UPRT: variants seen among roughly 807,000 people sequenced by gnomAD.
UPRT encodes the protein uracil phosphoribosyltransferase homolog.
In UPRT, 5 loss-of-function variants were observed where a neutral mutation model predicts 22.6. The observed-to-expected ratio is 0.22, with a 90% confidence interval of 0.12 to 0.47. The LOEUF (loss-of-function observed/expected upper bound fraction) is 0.47, where lower values mean the gene tolerates loss of function less well. Ranked by LOEUF, UPRT falls within the 20% of genes least tolerant of loss-of-function variation. UPRT has a pLI of 0.99. For missense variants in UPRT, 181 were observed against 239.9 expected, an observed-to-expected ratio of 0.75 and a Z score of 1.62; for synonymous variants, 77 against 87.7, an observed-to-expected ratio of 0.88 and a Z score of 0.68.
At chrX:75,164,613 G>A (rs1466177777) in intron 3 of UPRT, among the ~76,000 whole-genome samples, 1 of 111,876 alleles carries the variant, frequency 8.9e-6, no homozygotes, top group Non-Finnish European at 1.9e-5. Context: ...GCCTAGTGCT[G>A]GGGAATTGGA....
chrX:75,271,298 A>T (rs1298276840), upstream of UPRT, among the ~76,000 whole-genome samples: 1 of 112,454 alleles, frequency 8.9e-6, no homozygotes, highest in Non-Finnish European at 1.9e-5. Context: ...GTATTAAAAT[A>T]TACCCACAGA....
chrX:75,223,250 C>T (rs1219564498), intron 4 of UPRT, among the ~76,000 whole-genome samples: 2 of 109,270 alleles, frequency 1.8e-5, no homozygotes, highest in African/African-American at 6.7e-5. Context: ...CCTCTCCTTT[C>T]CTCAAGCAGA....
chrX:75,272,330 GTATATATATATATACACATA>G (rs2082612468), upstream of UPRT, among the ~76,000 whole-genome samples: 1 of 45,457 alleles, frequency 2.2e-5, no homozygotes, highest in Non-Finnish European at 4.5e-5. Flanking sequence ...ACATATATAT[GTATATATATATATACACATA>G]TATATATGTG....
intron 4 of UPRT, among the ~76,000 whole-genome samples, chrX:75,248,863 G>C (rs775785519): frequency 1.8e-5 from 2 of 111,983 alleles, no homozygotes; most frequent in East Asian, 5.6e-4. Flanking sequence ...CTGATCTCTC[G>C]GCAGAAATTC....
chrX:75,190,168 G>T (rs1186918334), intron 4 of UPRT, among the ~76,000 whole-genome samples: 2 of 111,754 alleles, frequency 1.8e-5, no homozygotes, highest in African/African-American at 3.3e-5. Context: ...TGTAGGGTGG[G>T]CCTGGTGGTG....
chrX:75,190,368 C>T (rs1048352384), intron 4 of UPRT, among the ~76,000 whole-genome samples: 15 of 112,003 alleles, frequency 1.3e-4, no homozygotes, highest in African/African-American at 2.9e-4. Flanking sequence ...GACGGGCTTT[C>T]GTTTGTGGGT....
chrX:75,175,081 G>T (rs773871150), intron 4 of UPRT, among the ~76,000 whole-genome samples: 1 of 110,325 alleles, frequency 9.1e-6, no homozygotes, highest in East Asian at 2.9e-4. Context: ...TTATGCTGCT[G>T]CTCTCCCCTC....
chrX:75,218,085 T>C (rs889933514), intron 4 of UPRT, among the ~76,000 whole-genome samples: 13 of 111,289 alleles, frequency 1.2e-4, no homozygotes, highest in African/African-American at 4.2e-4. Context: ...GAAACTACCA[T>C]CAGAGTGAAC....
At chrX:75,245,446 T>C (rs2082501815) in intron 4 of UPRT, among the ~76,000 whole-genome samples, 1 of 108,162 alleles carries the variant, frequency 9.2e-6, no homozygotes, top group Non-Finnish European at 2.0e-5. Flanking sequence ...ACTGGGTATA[T>C]ACCCAAAGAA....
intron 1 of UPRT, among the ~76,000 whole-genome samples, chrX:75,157,383 A>G (rs2082185023): frequency 8.9e-6 from 1 of 112,041 alleles, no homozygotes. Context: ...CTAGTTATTT[A>G]AAGAAAAATA....
intron 4 of UPRT, among the ~76,000 whole-genome samples, chrX:75,216,727 A>C (rs2082394025): frequency 8.9e-6 from 1 of 112,308 alleles, no homozygotes; most frequent in African/African-American, 3.2e-5. Flanking sequence ...AGCTTAAGCA[A>C]ACTTTACCCT....
chrX:75,168,913 T>C (rs952584757), intron 4 of UPRT, among the ~76,000 whole-genome samples: 1 of 111,790 alleles, frequency 8.9e-6, no homozygotes, highest in Non-Finnish European at 1.9e-5. Context: ...TTTGTAGCTT[T>C]TTATTCCTCA....
chrX:75,274,360 C>G lies in UPRT; in HGVS notation c.106C>G (p.Leu36Val), dbSNP rs2082621703. ...PEQLRPGDLI[L>V]DHAGGNRASR... ...GCAGCTGCGACCTGGCGATCTGATC[C>G]TGGACCACGCAGGGGGAAACAGAGC... The change falls in exon 1 of 7, where the codon CTG becomes GTG. Residue 36 changes from leucine (L) to valine (V), a missense_variant. By Grantham distance (32) the Leu-to-Val change is conservative. Coordinates refer to ENST00000373383, the MANE Select transcript of UPRT (RefSeq NM_145052.4). The G allele has an allele frequency of 8.3e-7, 1 of 1,211,555 alleles. No homozygotes were observed. The highest frequency in any genetic ancestry group is 1.8e-5 in the South Asian group (1 of 56,893).
intron 4 of UPRT, among the ~76,000 whole-genome samples, chrX:75,192,951 C>T (rs1340198697): frequency 9.0e-6 from 1 of 111,409 alleles, no homozygotes; most frequent in Non-Finnish European, 1.9e-5. Flanking sequence ...TGCATTAAGC[C>T]CATTTACATT....
intron 5 of UPRT, among the ~76,000 whole-genome samples, 186 bp downstream of exon 5, chrX:75,300,082 A>G (rs1326896246): frequency 1.8e-5 from 2 of 112,535 alleles, no homozygotes; most frequent in African/African-American, 6.5e-5. Context: ...TACAGTAGTC[A>G]GACCTTATTA....
chrX:75,251,975 TTAA>T (rs2082531993), intron 4 of UPRT, among the ~76,000 whole-genome samples: 1 of 111,953 alleles, frequency 8.9e-6, no homozygotes, highest in Non-Finnish European at 1.9e-5. Flanking sequence ...GATTCCCTAT[TTAA>T]TAAATGGTGC....
chrX:75,200,340 T>A (rs2082344095), intron 4 of UPRT, among the ~76,000 whole-genome samples: 1 of 112,453 alleles, frequency 8.9e-6, no homozygotes, highest in African/African-American at 3.2e-5. Context: ...TTGCCTGTAA[T>A]CCCAGCACTT....
intron 4 of UPRT, among the ~76,000 whole-genome samples, chrX:75,238,572 A>G (rs995661068): frequency 9.8e-5 from 11 of 111,997 alleles, no homozygotes; most frequent in African/African-American, 3.6e-4. Context: ...TCATCAAGAC[A>G]GAAAGTCAAC....
intron 4 of UPRT, among the ~76,000 whole-genome samples, chrX:75,211,357 C>A (rs1219124121): frequency 9.0e-6 from 1 of 111,172 alleles, no homozygotes; most frequent in East Asian, 2.8e-4. Flanking sequence ...CATTCAAGGG[C>A]ACCCCTGAGA....
Sources: allele counts gnomAD v4.1 joint callset (sites outside exome capture counted in the v4.1 genomes callset), GRCh38; gene constraint gnomAD v4.1.1; transcripts MANE v1.5; gene names NCBI Gene and HGNC (gene_info 2026-07-23, HGNC 2026-07-21).